Variants in ARHGEF28 observed in about 807,000 individuals in gnomAD.
ARHGEF28 encodes the protein Rho guanine nucleotide exchange factor 28.
ARHGEF28 carries 152 observed loss-of-function variants against 206.6 expected under a neutral mutation model. The observed-to-expected ratio is 0.74, with a 90% CI of 0.64 to 0.84. The LOEUF (loss-of-function observed/expected upper bound fraction) is 0.84, where lower values mean the gene tolerates loss of function less well. ARHGEF28 is among the 40% of genes least tolerant of loss of function. ARHGEF28 has a pLI of 0.00. For synonymous variants in ARHGEF28, 763 were observed against 776.4 expected (o/e 0.98, Z 0.29); for missense variants, 2,028 against 2,073.2 (o/e 0.98, Z 0.42).
chr5:73,868,029 G>A lies in ARHGEF28; in HGVS notation c.2297+9G>A. 9 of 1,613,808 alleles carry A rather than the reference G, an allele frequency of 5.6e-6. No individual in the cohort carries two copies. Among genetic ancestry groups the A allele is most frequent in the Non-Finnish European group, 7.6e-6 (9 of 1,179,796 alleles). On this transcript the variant is annotated intron_variant, in intron 19 of 35. Coordinates refer to ENST00000513042, the MANE Select transcript of ARHGEF28 (RefSeq NM_001177693.2). Reference sequence around the variant, plus strand: ...GGCACCACCTTGGAAAGGTAAGGCTGAGTGTGTTTTTACATATTAATGGCT... The same window carrying A: ...GGCACCACCTTGGAAAGGTAAGGCTAAGTGTGTTTTTACATATTAATGGCT...
At chr5:73,778,341 G>A (rs1434038452) in intron 6 of ARHGEF28, 1 of 152,176 alleles carries the variant, frequency 6.6e-6, no homozygotes, top group Non-Finnish European at 1.5e-5. Context: ...GGCTAGATTT[G>A]TGATTTCTCA....
intron 29 of ARHGEF28, among the ~76,000 whole-genome samples, chr5:73,895,698 AACTT>A (rs1761923604): frequency 6.6e-6 from 1 of 152,142 alleles, no homozygotes; most frequent in African/African-American, 2.4e-5. Context: ...GTTTTACCGG[AACTT>A]AGCCACATCT....
At chr5:73,806,840 G>A (rs1220617987) in intron 9 of ARHGEF28, among the ~76,000 whole-genome samples, 1 of 129,462 alleles carries the variant, frequency 7.7e-6, no homozygotes, top group South Asian at 2.5e-4. Context: ...CGTATATATG[G>A]TATATATCGA....
At chr5:73,934,220 T>C (rs1764293022) in intron 35 of ARHGEF28, among the ~76,000 whole-genome samples, 1 of 152,230 alleles carries the variant, frequency 6.6e-6, no homozygotes, top group Non-Finnish European at 1.5e-5. Flanking sequence ...TCATTTGAAA[T>C]ATTCTTCTGC....
intron 16 of ARHGEF28, among the ~76,000 whole-genome samples, chr5:73,858,893 T>G (rs1759215382): frequency 6.6e-6 from 1 of 152,178 alleles, no homozygotes; most frequent in Non-Finnish European, 1.5e-5. Context: ...TGATCTGTCC[T>G]CCCCCTCCCT....
intron 14 of ARHGEF28, among the ~76,000 whole-genome samples, chr5:73,857,272 T>C (rs1424322163): frequency 1.3e-5 from 2 of 152,196 alleles, no homozygotes; most frequent in Admixed American, 1.3e-4. Flanking sequence ...TGGGGAATTC[T>C]TACTAGCATA....
At chr5:73,911,199 TC>T in intron 34 of ARHGEF28, 75 bp from the exon 35 acceptor site, 1 of 1,342,362 alleles carries the variant, frequency 7.4e-7, no homozygotes. Flanking sequence ...CCTAAGATTC[TC>T]TCAGGAATAA....
intron 8 of ARHGEF28, among the ~76,000 whole-genome samples, 193 bp downstream of exon 8, chr5:73,794,647 C>T (rs1754692997): frequency 2.0e-5 from 3 of 150,588 alleles, no homozygotes; most frequent in African/African-American, 7.3e-5. Flanking sequence ...CGCTCTGTCA[C>T]CCAGGCTGGA....
chr5:73,912,726 A>AG (rs1189654181), intron 35 of ARHGEF28, among the ~76,000 whole-genome samples: 6 of 152,238 alleles, frequency 3.9e-5, no homozygotes, highest in Non-Finnish European at 8.8e-5. Flanking sequence ...ATTAAATAAA[A>AG]GGTCAAGCCA....
At chr5:73,686,943 C>T (rs1747514149) in intron 2 of ARHGEF28, among the ~76,000 whole-genome samples, 1 of 152,098 alleles carries the variant, frequency 6.6e-6, no homozygotes, top group South Asian at 2.1e-4. Context: ...TATTAAAATA[C>T]TAATATATTT....
At chr5:73,734,378 A>T (rs1750790698) in intron 2 of ARHGEF28, among the ~76,000 whole-genome samples, 1 of 152,192 alleles carries the variant, frequency 6.6e-6, no homozygotes, top group South Asian at 2.1e-4. Flanking sequence ...CCAGGGCAGC[A>T]TGCTCACTGG....
Position 73,882,601 on chromosome 5 carries a change from A to G in ARHGEF28, c.2937+7A>G. On this transcript the variant is annotated splice_region_variant and intron_variant, in intron 23 of 35. Transcript: ENST00000513042. ...GTTTCAGAATTTTATTAAGGCAAGT[A>G]TTTTAAAACTTTATTACAAAGTGAT... The G allele has an allele frequency of 6.8e-7, 1 of 1,475,844 alleles. No homozygotes were observed. The highest frequency in any genetic ancestry group is 1.4e-5 in the South Asian group (1 of 73,136). The allele number at this position is 1,475,844 out of a possible 1,614,324, so 91.4% of individuals were successfully genotyped here.
At chr5:73,660,768 G>T (rs1459548280) in intron 1 of ARHGEF28, among the ~76,000 whole-genome samples, 1 of 152,198 alleles carries the variant, frequency 6.6e-6, no homozygotes, top group East Asian at 1.9e-4. Context: ...TATTTTGAAA[G>T]AAATCTGTTT....
At chr5:73,635,177 C>G (rs898278470) in intron 1 of ARHGEF28, among the ~76,000 whole-genome samples, 21 of 152,164 alleles carry the variant, frequency 1.4e-4, no homozygotes, top group African/African-American at 1.9e-4. Context: ...AACCCCGTCT[C>G]TACTAAAAAT....
In ARHGEF28 at chr5:73,870,077, G is replaced by T; in HGVS notation, c.2434G>T (p.Asp812Tyr). The change falls in exon 21 of 36, where the codon GAT becomes TAT. Residue 812 changes from aspartate to tyrosine, a missense_variant. Physicochemically the swap from Asp to Tyr is radical, Grantham distance 160 (BLOSUM62 -3). Transcript: ENST00000513042. ...TTCTAAACACACATTAGATGTTGTGGATTCTTCTCTGTGGAGTGACCTCAG... is the reference window on the plus strand; with the variant it reads ...TTCTAAACACACATTAGATGTTGTGTATTCTTCTCTGTGGAGTGACCTCAG... ...TESFIMEDVVDSSLWSDLSSD... is the reference protein window; with the variant it reads ...TESFIMEDVVYSSLWSDLSSD... The T allele has an allele frequency of 1.2e-6, 2 of 1,612,894 alleles. No individual in the cohort carries two copies. Among genetic ancestry groups the T allele is most frequent in the Non-Finnish European group, 1.7e-6 (2 of 1,179,598 alleles).
chr5:73,771,831 G>A (rs1373971231), intron 4 of ARHGEF28, among the ~76,000 whole-genome samples: 1 of 152,146 alleles, frequency 6.6e-6, no homozygotes, highest in Non-Finnish European at 1.5e-5. Flanking sequence ...TCAAAGATAA[G>A]TTCTCTAATA....
At chr5:73,788,120 A>G (rs1444110600) in intron 7 of ARHGEF28, among the ~76,000 whole-genome samples, 1 of 150,636 alleles carries the variant, frequency 6.6e-6, no homozygotes, top group African/African-American at 2.5e-5. Flanking sequence ...TAAGCAGCCT[A>G]GAGAGAAAAA....
intron 16 of ARHGEF28, among the ~76,000 whole-genome samples, chr5:73,860,689 C>T (rs1759341888): frequency 1.3e-5 from 2 of 152,170 alleles, no homozygotes; most frequent in East Asian, 3.8e-4. Context: ...TGTTCATCTA[C>T]AAGTTATGAT....
intron 16 of ARHGEF28, among the ~76,000 whole-genome samples, chr5:73,858,710 A>C (rs1407213875): frequency 1.3e-5 from 2 of 152,190 alleles, no homozygotes; most frequent in Non-Finnish European, 2.9e-5. Context: ...TTTCTACAGC[A>C]TTCCAACTGA....
Sources: allele counts gnomAD v4.1 joint callset (sites outside exome capture counted in the v4.1 genomes callset), GRCh38; gene constraint gnomAD v4.1.1; transcripts MANE v1.5; gene names NCBI Gene and HGNC (gene_info 2026-07-23, HGNC 2026-07-21).